RRP9: variants seen among roughly 807,000 people sequenced by gnomAD.
The protein encoded by RRP9 is U3 small nucleolar RNA-interacting protein 2.
In RRP9, 35 loss-of-function variants were observed where a neutral mutation model predicts 65.5. The observed-to-expected ratio is 0.53, with a 90% confidence interval of 0.41 to 0.71. RRP9 has a LOEUF of 0.71. Ranked by LOEUF, RRP9 falls within the 30% of genes least tolerant of loss-of-function variation. RRP9 has a pLI of 0.00. For synonymous variants in RRP9, 254 were observed against 245.0 expected, an observed-to-expected ratio of 1.04 and a Z score of -0.34; for missense variants, 533 against 633.6, an observed-to-expected ratio of 0.84 and a Z score of 1.70.
rs1016079988 is a variant in RRP9 at position 51,938,107 on chromosome 3, G to A, written c.268C>T (p.Leu90Phe). 6.2e-7 allele frequency: 1 copy of A among 1,602,332 alleles called. No homozygotes were observed. Among genetic ancestry groups the A allele is most frequent in the Non-Finnish European group, 8.5e-7 (1 of 1,177,640 alleles). The change falls in exon 3 of 15, where the codon CTC (leucine) becomes TTC (phenylalanine). Residue 90 changes from leucine to phenylalanine, a missense_variant. By Grantham distance (22) the Leu-to-Phe change is conservative. Coordinates refer to ENST00000232888, the MANE Select transcript of RRP9 (RefSeq NM_004704.5). ...LRLAKLYLEQ[L>F]RQQEEEKAEA... is the part of the protein sequence containing the mutation. ...CCCACTGGCTCACCTTGCTGACGGA[G>A]CTGCTCTAGGTAGAGCTTGGCCAAG...
At position 51,936,095 on chromosome 3, in the gene RRP9, C is replaced by A. The variant is rs1359148678; in HGVS notation, c.735+162G>T. On this transcript the variant is annotated intron_variant, in intron 8 of 14. Coordinates refer to ENST00000232888, the MANE Select transcript of RRP9 (RefSeq NM_004704.5). ...GGCCCGGTCTCCCCCAGCTCCTCCC[C>A]ATCCCTTTAGCCCATTTATGTATTT... Among the ~76,000 whole-genome samples the A allele has an allele frequency of 3.9e-5, 6 of 152,298 alleles. No individual in the cohort carries two copies. In the East Asian group the frequency reaches 7.7e-4, roughly 20 times the overall value.
In RRP9 at chr3:51,934,708, C is replaced by A. The variant is rs557872868; in HGVS notation, c.1103G>T (p.Arg368Leu). ...LALQREAHGL[R>L]GEPGLEQPFW... ...GGGCTGCTCCAGGCCTGGCTCTCCC[C>A]GCAGCCCGTGAGCTTCACGCTGCAG... The change falls in exon 12 of 15, where the codon CGG (arginine) becomes CTG (leucine). Residue 368 changes from arginine to leucine, a missense_variant. By Grantham distance (102) the Arg-to-Leu change is moderately radical. This residue lies in a region of RRP9 where 449 missense variants were observed against 550.6 expected (regional missense o/e 0.82). Transcript: ENST00000232888. The surrounding 1 kb of genome is among the most constrained non-coding windows in gnomAD (Gnocchi z 4.1). The A allele has an allele frequency of 3.0e-5, 48 of 1,614,026 alleles. No homozygotes were observed. The Admixed American group carries it at 8.0e-4, about 27-fold the overall frequency.
chr3:51,934,564 G>A lies in RRP9; in HGVS notation c.1181-13C>T. 1 of 1,613,814 alleles carries A rather than the reference G, an allele frequency of 6.2e-7. No individual in the cohort carries two copies. The highest frequency in any genetic ancestry group is 2.2e-5 in the East Asian group (1 of 44,866). ...GAGCTGTGGGAGCCTGGGGAGACTGGAACAGTGAGCAACCCCTGCACCGGC... is the reference window on the plus strand; with the variant it reads ...GAGCTGTGGGAGCCTGGGGAGACTGAAACAGTGAGCAACCCCTGCACCGGC... On this transcript the variant is annotated splice_polypyrimidine_tract_variant and intron_variant, in intron 12 of 14. Transcript: ENST00000232888. The surrounding 1 kb of genome is among the most constrained non-coding windows in gnomAD (Gnocchi z 4.1).
In RRP9 at chr3:51,937,700, TC is replaced by T; in HGVS notation, c.316del (p.Asp106ThrfsTer7). 1 of 1,614,108 alleles carries T rather than the reference TC, an allele frequency of 6.2e-7. No individual in the cohort carries two copies. Among genetic ancestry groups the T allele is most frequent in the Non-Finnish European group, 8.5e-7 (1 of 1,180,018 alleles). On this transcript the variant is annotated frameshift_variant, in exon 4 of 15. Transcript: ENST00000232888. LOFTEE classifies it high-confidence loss of function. This position sits in a 1 kb window ranked among gnomAD's most constrained non-coding sequence, Gnocchi z 5.0. ...CTCCTTCAGGCGCCCCGCCACCTGG[TC>T]CTCCTCAAATGCACGGGCCTCAGCC... ...EKAEARAFEE[D>X]QVAGRLKEDV...
chr3:51,933,538 T>G lies in RRP9; in HGVS notation c.1396A>C (p.Arg466=). Residue 466 remains arginine (R), a synonymous_variant, in exon 15 of 15, where the codon AGG becomes CGG. Coordinates refer to ENST00000232888, the MANE Select transcript of RRP9 (RefSeq NM_004704.5). ...RNSVCIIPLR[R]VPVPPAAGS is the part of the protein sequence containing the mutation. The stretch of plus-strand genomic sequence containing the variant: ...CCAGCAGCTGGGGGTACAGGGACCC[T>G]GCGGAGTGGGATGATGCAGACAGAA... The G allele has an allele frequency of 6.2e-7, 1 of 1,614,034 alleles. No individual in the cohort carries two copies. The highest frequency in any genetic ancestry group is 8.5e-7 in the Non-Finnish European group (1 of 1,179,964).
In RRP9 at chr3:51,934,441, A is replaced by AC; in HGVS notation, c.1260+30dup. 1 of 1,597,212 alleles carries AC rather than the reference A, an allele frequency of 6.3e-7. No individual in the cohort carries two copies. The highest frequency in any genetic ancestry group is 8.5e-7 in the Non-Finnish European group (1 of 1,169,716). On this transcript the variant is annotated intron_variant, in intron 13 of 14. Coordinates refer to ENST00000232888, the MANE Select transcript of RRP9 (RefSeq NM_004704.5). The surrounding 1 kb of genome is among the most constrained non-coding windows in gnomAD (Gnocchi z 4.1). ...CAGGGGCCTAGGCAGTGTGGCAGAG[A>AC]CAGGCTGAGCATTCAAGCACACTCA...
Position 51,937,259 on chromosome 3 carries a change from T to C in RRP9, c.450A>G (p.Thr150=), listed in dbSNP as rs769751208. 6.2e-7 allele frequency: 1 copy of C among 1,614,066 alleles called. No individual in the cohort carries two copies. The highest frequency in any genetic ancestry group is 1.1e-5 in the South Asian group (1 of 91,080). ...AGTCATCGGGGGTGACGACCAAACA[T>C]GTGATAGAGAGCTGGTGCCCCCGTA... The part of the protein sequence containing the change: ...RVLRGHQLSI[T]CLVVTPDDSA... The change falls in exon 6 of 15, where the codon ACA becomes ACG. Residue 150 remains threonine, a synonymous_variant. Coordinates refer to ENST00000232888, the MANE Select transcript of RRP9 (RefSeq NM_004704.5). This position sits in a 1 kb window ranked among gnomAD's most constrained non-coding sequence, Gnocchi z 5.0.
Position 51,938,186 on chromosome 3 carries a change from A to C in RRP9, c.189T>G (p.Pro63=). The C allele has an allele frequency of 6.4e-7, 1 of 1,572,524 alleles. No individual in the cohort carries two copies. Among genetic ancestry groups the C allele is most frequent in the Non-Finnish European group, 8.6e-7 (1 of 1,162,180 alleles). Residue 63 remains proline (P), a synonymous_variant, in exon 3 of 15, where the codon CCT becomes CCG. Transcript: ENST00000232888. ...SESESLAPRK[P]EEEEEEELEE... ...CCAGCTCCTCCTCCTCCTCCTCCTCAGGCTTCCTTGGAGCTAGGCTGTGGG... is the reference window on the plus strand; with the variant it reads ...CCAGCTCCTCCTCCTCCTCCTCCTCCGGCTTCCTTGGAGCTAGGCTGTGGG...
chr3:51,941,516 T>C, intron 1 of RRP9, 25 bp from the exon 2 acceptor site: 7 of 1,608,448 alleles, frequency 4.4e-6, no homozygotes, highest in Non-Finnish European at 5.1e-6. Flanking sequence ...GTCTTTTCTT[T>C]GGTCAGGGGT....
chr3:51,935,610 T>C lies in RRP9; in HGVS notation c.818A>G (p.Asn273Ser). ...CACTCACAGCGTCTCCACGTAGGAGTTCTCTGCCACATTCCACACCTTCAC... is the reference window on the plus strand; with the variant it reads ...CACTCACAGCGTCTCCACGTAGGAGCTCTCTGCCACATTCCACACCTTCAC... ...RSVKVWNVAENSYVETLFGHQ... is the reference protein window; with the variant it reads ...RSVKVWNVAESSYVETLFGHQ... The change falls in exon 9 of 15, where the codon AAC becomes AGC. Residue 273 changes from asparagine to serine, a missense_variant. Around this residue, in one of 3 missense-constraint regions of RRP9, gnomAD observed 449 missense variants for 550.6 expected, o/e 0.82. Coordinates refer to ENST00000232888, the MANE Select transcript of RRP9 (RefSeq NM_004704.5). The C allele has an allele frequency of 6.2e-7, 1 of 1,614,066 alleles. No homozygotes were observed. The highest frequency in any genetic ancestry group is 8.5e-7 in the Non-Finnish European group (1 of 1,179,986).
chr3:51,936,940 T>C (rs1699466232), intron 6 of RRP9, among the ~76,000 whole-genome samples: 1 of 152,198 alleles, frequency 6.6e-6, no homozygotes, highest in African/African-American at 2.4e-5. Context: ...TCCAACCACC[T>C]ACCTGCAGCA....
chr3:51,934,967 A>G lies in RRP9; in HGVS notation c.1035-191T>C, dbSNP rs1699436587. Among the ~76,000 whole-genome samples, 1 of 151,990 alleles carries G rather than the reference A, an allele frequency of 6.6e-6. No homozygotes were observed. Among genetic ancestry groups the G allele is most frequent in the Admixed American group, 6.5e-5 (1 of 15,272 alleles). ...GTACACCTACTAAGCACCCACAACAAATTTTTTTTAATTCTAAAAAAAAAG... is the reference window on the plus strand; with the variant it reads ...GTACACCTACTAAGCACCCACAACAGATTTTTTTTAATTCTAAAAAAAAAG... On this transcript the variant is annotated intron_variant, in intron 11 of 14. Transcript: ENST00000232888. The surrounding 1 kb of genome is among the most constrained non-coding windows in gnomAD (Gnocchi z 4.1).
intron 2 of RRP9, among the ~76,000 whole-genome samples, chr3:51,940,129 G>A (rs1219503987): frequency 6.6e-6 from 1 of 152,056 alleles, no homozygotes; most frequent in Non-Finnish European, 1.5e-5. Context: ...GGTGGTGCAG[G>A]CCTATAATCC....
Position 51,938,192 on chromosome 3 carries a change from C to G in RRP9, c.183G>C (p.Arg61Ser). ...SDSESESLAPRKPEEEEEEEL... is the reference protein window; with the variant it reads ...SDSESESLAPSKPEEEEEEEL... ...CCTCCTCCTCCTCCTCCTCAGGCTT[C>G]CTTGGAGCTAGGCTGTGGGCAGGAA... The change falls in exon 3 of 15, where the codon AGG (arginine) becomes AGC (serine). Residue 61 changes from arginine (R) to serine (S), a missense_variant. Around this residue, in one of 3 missense-constraint regions of RRP9, gnomAD observed 449 missense variants for 550.6 expected, o/e 0.82. Transcript: ENST00000232888. The G allele has an allele frequency of 6.4e-7, 1 of 1,567,902 alleles. No individual in the cohort carries two copies. The highest frequency in any genetic ancestry group is 8.6e-7 in the Non-Finnish European group (1 of 1,160,072).
chr3:51,937,801 C>T lies in RRP9; in HGVS notation c.281-65G>A, dbSNP rs1166558188. 5 of 1,576,846 alleles carry T rather than the reference C, an allele frequency of 3.2e-6. No homozygotes were observed. Among genetic ancestry groups the T allele is most frequent in the Admixed American group, 3.4e-5 (2 of 59,502 alleles). On this transcript the variant is annotated intron_variant, in intron 3 of 14. Coordinates refer to ENST00000232888, the MANE Select transcript of RRP9 (RefSeq NM_004704.5). This position sits in a 1 kb window ranked among gnomAD's most constrained non-coding sequence, Gnocchi z 5.0. ...ACCCCTCTTTCCCTTCCATCCTGTCCCCATCCCACTGCCCCAGGGCTGGAT... is the reference window on the plus strand; with the variant it reads ...ACCCCTCTTTCCCTTCCATCCTGTCTCCATCCCACTGCCCCAGGGCTGGAT...
At chr3:51,941,652 G>T in intron 1 of RRP9, 129 bp downstream of exon 1, 1 of 1,087,720 alleles carries the variant, frequency 9.2e-7, no homozygotes, top group South Asian at 1.3e-5. Context: ...CGGAGAGAGG[G>T]ACGAAGCTGA....
rs777793041 is a variant in RRP9, at chr3:51,937,724, G to T, written c.293C>A (p.Ala98Asp). The T allele has an allele frequency of 6.2e-7, 1 of 1,614,126 alleles. No homozygotes were observed. The highest frequency in any genetic ancestry group is 2.2e-5 in the East Asian group (1 of 44,880). The change falls in exon 4 of 15, where the codon GCT becomes GAT. Residue 98 changes from alanine to aspartate, a missense_variant. Ala to Asp is a moderately radical substitution (Grantham distance 126, BLOSUM62 -2). Around this residue, in one of 3 missense-constraint regions of RRP9, gnomAD observed 449 missense variants for 550.6 expected, o/e 0.82. Coordinates refer to ENST00000232888, the MANE Select transcript of RRP9 (RefSeq NM_004704.5). This position sits in a 1 kb window ranked among gnomAD's most constrained non-coding sequence, Gnocchi z 5.0. ...EQLRQQEEEK[A>D]EARAFEEDQV... is the part of the protein sequence containing the mutation. ...GTCCTCCTCAAATGCACGGGCCTCAGCCTTCTCCTCCTCTGTGCAGGACAG... is the reference window on the plus strand; with the variant it reads ...GTCCTCCTCAAATGCACGGGCCTCATCCTTCTCCTCCTCTGTGCAGGACAG...
In RRP9 at chr3:51,934,752, G is replaced by A. The variant is rs1199907992; in HGVS notation, c.1059C>T (p.Ser353=). 1.2e-6 allele frequency: 2 copies of A among 1,613,846 alleles called. No homozygotes were observed. The highest frequency in any genetic ancestry group is 1.1e-5 in the South Asian group (1 of 91,088). ...DDGSVALWGL[S]KKRPLALQRE... is the part of the protein sequence containing the mutation. ...GCTGCAGGGCAAGTGGTCGCTTCTT[G>A]GAGAGACCCCACAAGGCCACAGAGC... The change falls in exon 12 of 15, where the codon TCC becomes TCT. Residue 353 remains serine (S), a synonymous_variant. Transcript: ENST00000232888. This position sits in a 1 kb window ranked among gnomAD's most constrained non-coding sequence, Gnocchi z 4.1.
intron 7 of RRP9, 40 bp downstream of exon 7, chr3:51,936,391 C>A (rs748725109): frequency 9.3e-6 from 15 of 1,614,222 alleles, no homozygotes; most frequent in Non-Finnish European, 1.3e-5. Context: ...CCACCATGCA[C>A]CAGACCTCCC....
Sources: allele counts gnomAD v4.1 joint callset (sites outside exome capture counted in the v4.1 genomes callset), GRCh38; gene constraint gnomAD v4.1.1; regional missense constraint gnomAD v4.1.1; non-coding constraint Gnocchi (gnomAD v3.1); transcripts MANE v1.5; gene names NCBI Gene and HGNC (gene_info 2026-07-23, HGNC 2026-07-21).